CNTN5: variants seen among roughly 807,000 people sequenced by gnomAD.
CNTN5 encodes contactin-5.
CNTN5 carries 77 observed loss-of-function variants against 129.1 expected under a neutral mutation model. The ratio of observed to expected loss-of-function variants is 0.60; its 90% CI spans 0.50 to 0.72. The LOEUF (loss-of-function observed/expected upper bound fraction) is 0.72, where lower values mean the gene tolerates loss of function less well. Among genes scored for constraint, CNTN5 ranks in the 30% least tolerant of loss-of-function variants. CNTN5 has a pLI of 0.00. For synonymous variants in CNTN5, 509 were observed against 465.6 expected (o/e 1.09, Z -1.20); for missense variants, 1,478 against 1,328.8 (o/e 1.11, Z -1.75).
At chr11:99,891,364 G>A (rs1337024238) in intron 6 of CNTN5, among the ~76,000 whole-genome samples, 2 of 151,744 alleles carry the variant, frequency 1.3e-5, no homozygotes, top group African/African-American at 4.8e-5. Context: ...AAGTTCTGGG[G>A]CACTAGTTCA....
intron 1 of CNTN5, among the ~76,000 whole-genome samples, chr11:99,081,288 A>G (rs574013411): frequency 6.6e-6 from 1 of 152,280 alleles, no homozygotes; most frequent in Non-Finnish European, 1.5e-5. Flanking sequence ...GGAACTCTTC[A>G]CAATTAACTG....
intron 2 of CNTN5, among the ~76,000 whole-genome samples, chr11:99,495,636 T>C (rs1385822840): frequency 6.6e-6 from 1 of 152,120 alleles, no homozygotes; most frequent in Admixed American, 6.6e-5. Context: ...GCGATGAAGA[T>C]TGCATTCTTC....
intron 13 of CNTN5, among the ~76,000 whole-genome samples, chr11:100,085,413 A>T (rs1410063201): frequency 6.6e-6 from 1 of 152,088 alleles, no homozygotes; most frequent in African/African-American, 2.4e-5. Context: ...CAGCAGACAC[A>T]TGGTCTATGA....
At chr11:99,856,554 C>T (rs1321966337) in intron 6 of CNTN5, among the ~76,000 whole-genome samples, 1 of 152,112 alleles carries the variant, frequency 6.6e-6, no homozygotes, top group African/African-American at 2.4e-5. Flanking sequence ...TCTGCTCATT[C>T]CATGGGACTT....
chr11:100,246,210 T>C (rs1343185573), intron 16 of CNTN5, among the ~76,000 whole-genome samples: 4 of 152,166 alleles, frequency 2.6e-5, no homozygotes, highest in Non-Finnish European at 5.9e-5. Context: ...ATAGTATTTG[T>C]CATTTAGAAA....
intron 3 of CNTN5, among the ~76,000 whole-genome samples, chr11:99,560,275 T>C (rs961934330): frequency 1.2e-4 from 16 of 128,970 alleles, no homozygotes; most frequent in South Asian, 2.6e-4. Context: ...ACTGTATTAT[T>C]ATTATTATTA....
intron 3 of CNTN5, among the ~76,000 whole-genome samples, chr11:99,756,461 A>G (rs1406144822): frequency 6.6e-6 from 1 of 152,134 alleles, no homozygotes; most frequent in Non-Finnish European, 1.5e-5. Flanking sequence ...CTATTAAAGT[A>G]AGAAGAAGTT....
chr11:100,122,417 C>T (rs970256813), intron 13 of CNTN5, among the ~76,000 whole-genome samples: 12 of 152,040 alleles, frequency 7.9e-5, no homozygotes, highest in African/African-American at 2.9e-4. Context: ...CTGCTCAGTC[C>T]ACTCAGACTC....
chr11:99,125,143 C>T lies in CNTN5; in HGVS notation c.-210+103873C>T, dbSNP rs540890105. 4.5e-4 allele frequency among the ~76,000 whole-genome samples: 69 copies of T among 152,126 alleles called. 1 individual carries two copies. Among genetic ancestry groups the T allele is most frequent in the African/African-American group, 1.6e-3 (65 of 41,524 alleles). On this transcript the variant is annotated intron_variant, in intron 1 of 24. Coordinates refer to ENST00000524871, the MANE Select transcript of CNTN5 (RefSeq NM_014361.4). ...GGCCAACATTATCCTGATACCAAAA[C>T]CTGGCAGAGATGCAACATAAAAGAA... is the stretch of plus-strand genomic sequence containing the variant.
chr11:99,526,514 G>A (rs1947492273), intron 2 of CNTN5, among the ~76,000 whole-genome samples: 1 of 152,218 alleles, frequency 6.6e-6, no homozygotes, highest in African/African-American at 2.4e-5. Flanking sequence ...TGTATTCCTT[G>A]TGGCTTCGTT....
chr11:99,646,896 C>G (rs1269037755), intron 3 of CNTN5, among the ~76,000 whole-genome samples: 3 of 149,218 alleles, frequency 2.0e-5, no homozygotes, highest in African/African-American at 7.4e-5. Flanking sequence ...GGCTTTTTTG[C>G]TACTGAGATG....
At chr11:99,144,500 TTTCATC>T (rs1274752164) in intron 1 of CNTN5, among the ~76,000 whole-genome samples, 2 of 152,182 alleles carry the variant, frequency 1.3e-5, no homozygotes, top group Non-Finnish European at 2.9e-5. Context: ...TCCACTACTG[TTTCATC>T]AAACAGGTTT....
intron 9 of CNTN5, 95 bp from the exon 10 acceptor site, chr11:100,061,117 C>A: frequency 1.1e-6 from 1 of 924,850 alleles, no homozygotes; most frequent in Non-Finnish European, 1.6e-6. Context: ...CATTTTATTG[C>A]ACTCAGCCTA....
At chr11:99,784,643 T>G (rs995220762) in intron 3 of CNTN5, among the ~76,000 whole-genome samples, 1 of 152,038 alleles carries the variant, frequency 6.6e-6, no homozygotes, top group African/African-American at 2.4e-5. Flanking sequence ...CCTGAAGAAT[T>G]GCCACACTGT....
intron 6 of CNTN5, among the ~76,000 whole-genome samples, chr11:99,860,563 A>T (rs867198686): frequency 2.2e-4 from 34 of 152,160 alleles, no homozygotes; most frequent in Middle Eastern, 3.4e-3. Context: ...TGGTTAGTAA[A>T]TCCTTTCCTC....
chr11:99,970,124 G>A (rs1951209024), intron 8 of CNTN5, among the ~76,000 whole-genome samples: 1 of 152,096 alleles, frequency 6.6e-6, no homozygotes, highest in Admixed American at 6.5e-5. Context: ...CATCTGCAAT[G>A]TCATTCTTAG....
At chr11:99,442,732 G>A (rs1214180552) in intron 2 of CNTN5, among the ~76,000 whole-genome samples, 1 of 152,152 alleles carries the variant, frequency 6.6e-6, no homozygotes, top group African/African-American at 2.4e-5. Flanking sequence ...CCCAAATCCT[G>A]CACTTTAAAC....
At chr11:99,763,108 G>A (rs1944640785) in intron 3 of CNTN5, among the ~76,000 whole-genome samples, 1 of 148,014 alleles carries the variant, frequency 6.8e-6, no homozygotes, top group East Asian at 1.9e-4. Flanking sequence ...TCTGATTTCT[G>A]TCATATTCAT....
In CNTN5 at chr11:99,819,613, C is replaced by A; in HGVS notation, c.125C>A (p.Ser42Tyr). 1 of 1,613,002 alleles carries A rather than the reference C, an allele frequency of 6.2e-7. No individual in the cohort carries two copies. The highest frequency in any genetic ancestry group is 1.1e-5 in the South Asian group (1 of 91,084). The change falls in exon 4 of 25, where the codon TCT becomes TAT. Residue 42 changes from serine to tyrosine, a missense_variant. Physicochemically the swap from Ser to Tyr is moderately radical, Grantham distance 144 (BLOSUM62 -2). Coordinates refer to ENST00000524871, the MANE Select transcript of CNTN5 (RefSeq NM_014361.4). ...TTGTTAAGAATTAAGAAGAGTTCAT[C>A]TTCATCTCTCTTTGGTTCCAAAACC... is the stretch of plus-strand genomic sequence containing the variant. ...AALLRIKKSS[S>Y]SSLFGSKTRP...
Sources: allele counts gnomAD v4.1 joint callset (sites outside exome capture counted in the v4.1 genomes callset), GRCh38; gene constraint gnomAD v4.1.1; transcripts MANE v1.5; gene names NCBI Gene and HGNC (gene_info 2026-07-23, HGNC 2026-07-21).